NLGN4X: variants seen among roughly 807,000 people sequenced by gnomAD.
The protein encoded by NLGN4X is neuroligin 4 X-linked.
A neutral mutation model predicts 40.3 loss-of-function variants in NLGN4X; 3 were observed. The observed-to-expected ratio is 0.07, with a 90% CI of 0.03 to 0.19. The LOEUF is 0.19. Ranked by LOEUF, NLGN4X falls within the 10% of genes least tolerant of loss-of-function variation. NLGN4X has a pLI of 1.00. For missense variants in NLGN4X, 382 were observed against 708.3 expected (o/e 0.54, Z 5.23); for synonymous variants, 270 against 306.8 (o/e 0.88, Z 1.25).
chrX:6,150,358 G>A (rs942541782), intron 2 of NLGN4X, among the ~76,000 whole-genome samples: 2 of 111,965 alleles, frequency 1.8e-5, no homozygotes, highest in Non-Finnish European at 3.8e-5. Context: ...AAATACAAAC[G>A]CATTCATCTC....
At chrX:5,947,439 T>G (rs2034165604) in intron 3 of NLGN4X, among the ~76,000 whole-genome samples, 1 of 111,708 alleles carries the variant, frequency 9.0e-6, no homozygotes, top group Non-Finnish European at 1.9e-5. Flanking sequence ...GCACGCAAGG[T>G]CAGGAAATTT....
At chrX:6,011,527 G>A (rs886977650) in intron 3 of NLGN4X, among the ~76,000 whole-genome samples, 3 of 110,901 alleles carry the variant, frequency 2.7e-5, no homozygotes, top group African/African-American at 9.8e-5. Flanking sequence ...GATGCAATAA[G>A]ATGATACCAT....
At chrX:5,997,284 C>T (rs6639561) in intron 3 of NLGN4X, among the ~76,000 whole-genome samples, 31,789 of 105,148 alleles carry the variant, frequency 0.3, 4,370 homozygotes, top group Middle Eastern at 0.58. Flanking sequence ...TTTATACATA[C>T]ATTTATAAAC....
rs144159753 is a variant in NLGN4X at position 6,062,043 on chromosome X, C to A, written c.473-32611G>T. On this transcript the variant is annotated intron_variant, in intron 2 of 5. Transcript: ENST00000381095. ...TTTTTCTCTTCAGCACAGATTTCTGCCTTGAACTTCAGACTCTGACATCCA... is the reference window on the plus strand; with the variant it reads ...TTTTTCTCTTCAGCACAGATTTCTGACTTGAACTTCAGACTCTGACATCCA... Among the ~76,000 whole-genome samples, 395 of 111,623 alleles carry A rather than the reference C, an allele frequency of 3.5e-3. 1 individual carries two copies. The highest frequency in any genetic ancestry group is 0.01 in the African/African-American group (320 of 30,778).
At chrX:6,083,117 C>T (rs1178553886) in intron 2 of NLGN4X, among the ~76,000 whole-genome samples, 2 of 101,138 alleles carry the variant, frequency 2.0e-5, no homozygotes, top group African/African-American at 7.4e-5. Flanking sequence ...CGCCACCTCG[C>T]CCGGCTAATT....
chrX:5,989,546 A>C (rs2035622997), intron 3 of NLGN4X, among the ~76,000 whole-genome samples: 1 of 112,584 alleles, frequency 8.9e-6, no homozygotes, highest in African/African-American at 3.2e-5. Flanking sequence ...TTTGATTTTC[A>C]TATGTAAGAA....
intron 2 of NLGN4X, among the ~76,000 whole-genome samples, chrX:6,090,223 G>A (rs1470760849): frequency 9.0e-6 from 1 of 110,952 alleles, no homozygotes; most frequent in Non-Finnish European, 1.9e-5. Flanking sequence ...TTACTCTATT[G>A]TTCCAGTATT....
chrX:6,009,358 C>T (rs1449341629), intron 3 of NLGN4X, among the ~76,000 whole-genome samples: 2 of 112,051 alleles, frequency 1.8e-5, no homozygotes, highest in African/African-American at 6.5e-5. Flanking sequence ...TCCACAATGA[C>T]TGTACCATCT....
intron 2 of NLGN4X, among the ~76,000 whole-genome samples, chrX:6,144,047 T>C (rs1270671698): frequency 8.9e-6 from 1 of 111,943 alleles, no homozygotes; most frequent in South Asian, 3.7e-4. Context: ...AGTTCGAGGC[T>C]GCAGTGAGCT....
At chrX:6,200,494 G>A (rs957314307) in intron 1 of NLGN4X, among the ~76,000 whole-genome samples, 9 of 110,772 alleles carry the variant, frequency 8.1e-5, no homozygotes, top group Non-Finnish European at 1.5e-4. Flanking sequence ...CTGTATAAAA[G>A]TGGAATAGGT....
chrX:6,088,917 C>T (rs2038566983), intron 2 of NLGN4X, among the ~76,000 whole-genome samples: 1 of 111,256 alleles, frequency 9.0e-6, no homozygotes, highest in African/African-American at 3.3e-5. Context: ...CATTTTTTTC[C>T]TTGCATAAAG....
At chrX:6,208,941 T>C (rs1278634085) in intron 1 of NLGN4X, among the ~76,000 whole-genome samples, 2 of 112,303 alleles carry the variant, frequency 1.8e-5, no homozygotes, top group Non-Finnish European at 3.8e-5. Flanking sequence ...ATACGTTTAA[T>C]ACCGCACTAT....
chrX:5,902,476 C>G (rs1227894184), intron 5 of NLGN4X, among the ~76,000 whole-genome samples: 1 of 109,902 alleles, frequency 9.1e-6, no homozygotes, highest in African/African-American at 3.3e-5. Context: ...ATGATTGCGC[C>G]ACTATACTCC....
chrX:6,010,660 C>G lies in NLGN4X; in HGVS notation c.625+18620G>C, dbSNP rs148990521. On this transcript the variant is annotated intron_variant, in intron 3 of 5. Transcript: ENST00000381095. Reference sequence around the variant, plus strand: ...TCTTGGGTCTCAGCCTCCCAAGTAGCTGGGATTACATGTTTGTGAGACCAT... The same window carrying G: ...TCTTGGGTCTCAGCCTCCCAAGTAGGTGGGATTACATGTTTGTGAGACCAT... Among the ~76,000 whole-genome samples the G allele has an allele frequency of 6.5e-3, 704 of 108,745 alleles. 3 individuals carry two copies. The highest frequency in any genetic ancestry group is 0.022 in the African/African-American group (661 of 29,898). The allele number at this position is 108,745 out of a possible 115,157, so 94.4% of individuals were successfully genotyped here.
intron 3 of NLGN4X, among the ~76,000 whole-genome samples, chrX:5,947,904 G>A (rs2034182281): frequency 8.9e-6 from 1 of 111,970 alleles, no homozygotes; most frequent in African/African-American, 3.2e-5. Flanking sequence ...TAAAATGCAG[G>A]CATTTGCAGA....
intron 3 of NLGN4X, among the ~76,000 whole-genome samples, chrX:5,925,576 C>T (rs748168314): frequency 8.3e-4 from 90 of 108,704 alleles, no homozygotes; most frequent in African/African-American, 2.9e-3. Flanking sequence ...CAAGTTGCTG[C>T]TTTGTGAACC....
At chrX:6,067,440 T>TCACA (rs758913698) in intron 2 of NLGN4X, among the ~76,000 whole-genome samples, 1 of 108,919 alleles carries the variant, frequency 9.2e-6, no homozygotes, top group African/African-American at 3.3e-5. Flanking sequence ...TCCCAACAGA[T>TCACA]CACACACACA....
chrX:6,074,597 T>C (rs983417810), intron 2 of NLGN4X, among the ~76,000 whole-genome samples: 9 of 112,027 alleles, frequency 8.0e-5, no homozygotes, highest in Non-Finnish European at 3.8e-5. Flanking sequence ...CCAGAGGTAC[T>C]TTGCATATCT....
chrX:6,220,458 T>C (rs1925555846), intron 1 of NLGN4X, among the ~76,000 whole-genome samples: 1 of 106,031 alleles, frequency 9.4e-6, no homozygotes, highest in South Asian at 4.3e-4. Context: ...AGTTGTCTAT[T>C]TCTCCATACA....
Sources: gnomAD v4.1 joint callset for allele counts (sites outside exome capture counted in the v4.1 genomes callset) on GRCh38, gnomAD v4.1.1 for gene constraint, MANE v1.5 for transcripts, NCBI Gene and HGNC (gene_info 2026-07-23, HGNC 2026-07-21) for gene names.